Variants in MLH3 observed in about 807,000 individuals in gnomAD.
The protein encoded by MLH3 is mutL homolog 3, also known as DNA mismatch repair protein Mlh3.
Under a neutral mutation model 122.2 loss-of-function variants are expected in MLH3, and 82 were observed. The ratio of observed to expected loss-of-function variants is 0.67; its 90% CI spans 0.56 to 0.81. The LOEUF (loss-of-function observed/expected upper bound fraction) is 0.81, where lower values mean the gene tolerates loss of function less well. MLH3 is among the 30% of genes least tolerant of loss of function. The pLI, the probability that MLH3 is intolerant of heterozygous loss-of-function variation, is 0.00. For synonymous variants in MLH3, 524 were observed against 599.5 expected (o/e 0.87, Z 1.84); for missense variants, 1,539 against 1,714.5 (o/e 0.90, Z 1.81).
In MLH3 at chr14:75,018,854, A is replaced by G; in HGVS notation, c.4217T>C (p.Ile1406Thr). ...CTGTTTTTCCTGTTCCAAGTGGTCT[A>G]TGTCAGCTAACGGCAGCATAGAAGG... ...GRPSMLPLAD[I>T]DHLEQEKQIK... Residue 1406 changes from isoleucine (I) to threonine (T), a missense_variant, in exon 12 of 13, where the codon ATA becomes ACA. Ile to Thr is a moderately conservative substitution (Grantham distance 89, BLOSUM62 -1). Coordinates refer to ENST00000355774, the MANE Select transcript of MLH3 (RefSeq NM_001040108.2). The G allele has an allele frequency of 6.2e-7, 1 of 1,614,198 alleles. No individual in the cohort carries two copies. The highest frequency in any genetic ancestry group is 2.2e-5 in the East Asian group (1 of 44,888).
intron 9 of MLH3, among the ~76,000 whole-genome samples, chr14:75,026,320 C>T (rs28757033): frequency 0.015 from 2,321 of 152,102 alleles, 34 homozygotes; most frequent in South Asian, 0.039. Context: ...GGGAAAAAAA[C>T]ACAACTTCTG....
rs1056105587 is a variant in MLH3, at chr14:75,049,425, T to C, written c.231A>G (p.Lys77=). ...EKVGNRYFTS[K]CHSVQDLENP... Reference sequence around the variant, plus strand: ...TCTCCAAGTCCTGTACCGAGTGGCATTTACTGGTGAAATAACGATTTCCCA... The same window carrying C: ...TCTCCAAGTCCTGTACCGAGTGGCACTTACTGGTGAAATAACGATTTCCCA... Residue 77 remains lysine (K), a synonymous_variant, in exon 2 of 13, where the codon AAA becomes AAG. Coordinates refer to ENST00000355774, the MANE Select transcript of MLH3 (RefSeq NM_001040108.2). 6.2e-7 allele frequency: 1 copy of C among 1,614,062 alleles called. No individual in the cohort carries two copies.
At chr14:75,037,505 T>C (rs1891500418) in intron 6 of MLH3, among the ~76,000 whole-genome samples, 1 of 152,238 alleles carries the variant, frequency 6.6e-6, no homozygotes, top group Admixed American at 6.5e-5. Context: ...TTAATATATT[T>C]ACAAACTATT....
At chr14:75,020,010 A>G (rs1890170034) in intron 11 of MLH3, among the ~76,000 whole-genome samples, 1 of 152,224 alleles carries the variant, frequency 6.6e-6, no homozygotes, top group South Asian at 2.1e-4. Flanking sequence ...TTAGGAGCTT[A>G]AGGAAGGCTT....
intron 9 of MLH3, among the ~76,000 whole-genome samples, chr14:75,026,145 T>C (rs1281831578): frequency 6.6e-6 from 1 of 152,182 alleles, no homozygotes; most frequent in Non-Finnish European, 1.5e-5. Context: ...ACATCTATCC[T>C]CTAATTTTAG....
chr14:75,042,354 C>T (rs2139504212), intron 3 of MLH3, 25 bp downstream of exon 3: 3 of 1,590,400 alleles, frequency 1.9e-6, no homozygotes, highest in Non-Finnish European at 1.7e-6. Flanking sequence ...GTACTGTGTG[C>T]CCCAGCACTC....
Position 75,030,681 on chromosome 14 carries a change from T to G in MLH3, c.3849A>C (p.Glu1283Asp). ...GAAATACAAATTCAAGGCCCAGATC[T>G]TCCAGATTTTTGTGGTAACACCTAA... ...RLLWCYHKNL[E>D]DLGLEFVFPD... The change falls in exon 9 of 13, where the codon GAA (glutamate) becomes GAC (aspartate). Residue 1283 changes from glutamate to aspartate, a missense_variant. Transcript: ENST00000355774. 6.2e-7 allele frequency: 1 copy of G among 1,613,986 alleles called. No homozygotes were observed. Among genetic ancestry groups the G allele is most frequent in the Non-Finnish European group, 8.5e-7 (1 of 1,179,952 alleles).
chr14:75,026,400 A>G (rs1026064452), intron 9 of MLH3, among the ~76,000 whole-genome samples: 3 of 152,252 alleles, frequency 2.0e-5, no homozygotes, highest in Non-Finnish European at 4.4e-5. Flanking sequence ...GGATAAGCTA[A>G]ACACATAATT....
At chr14:75,038,881 C>G (rs967203893) in intron 5 of MLH3, among the ~76,000 whole-genome samples, 21 of 151,680 alleles carry the variant, frequency 1.4e-4, no homozygotes, top group Non-Finnish European at 7.4e-5. Context: ...CTTTGTCACC[C>G]AGGCTGGAGT....
At chr14:75,041,760 G>C in intron 3 of MLH3, 60 bp from the exon 4 acceptor site, 3 of 1,227,938 alleles carry the variant, frequency 2.4e-6, no homozygotes, top group Non-Finnish European at 3.6e-6. Context: ...GGAGGGAATG[G>C]CATTTCCTGT....
rs1414775200 is a variant in MLH3 at position 75,029,131 on chromosome 14, C to T, written c.3987+1412G>A. Reference sequence around the variant, plus strand: ...TGCCATTGCACTCCAGCCTGGGCATCGCAAAAAAAAAAAAAAAAGAAAGAA... The same window carrying T: ...TGCCATTGCACTCCAGCCTGGGCATTGCAAAAAAAAAAAAAAAAGAAAGAA... On this transcript the variant is annotated intron_variant, in intron 9 of 12. Transcript: ENST00000355774. Among the ~76,000 whole-genome samples the T allele has an allele frequency of 4.3e-4, 6 of 13,976 alleles. No individual in the cohort carries two copies. In the East Asian group the frequency reaches 7.3e-3, roughly 17 times the overall value. The allele number at this position is 13,976 out of a possible 152,430, so 9.2% of individuals were successfully genotyped here.
chr14:75,023,703 TA>T (rs2139333452), intron 9 of MLH3, among the ~76,000 whole-genome samples: 1 of 152,348 alleles, frequency 6.6e-6, no homozygotes, highest in Non-Finnish European at 1.5e-5. Flanking sequence ...CCAATTTGTT[TA>T]ACCTCTGGAG....
chr14:75,031,445 G>A (rs1891042017), intron 8 of MLH3, among the ~76,000 whole-genome samples: 1 of 152,222 alleles, frequency 6.6e-6, no homozygotes, highest in East Asian at 1.9e-4. Context: ...CAAGAAATGA[G>A]AAGAGTGTTC....
chr14:75,017,168 C>T lies in MLH3; in HGVS notation c.4276G>A (p.Ala1426Thr), dbSNP rs753388082. ...TTTCCAAAGAGACGCCAGGCCTGGG[C>T]CATTTTGCGAAGTTTAGTGAGGTTG... ...KPNLTKLRKM[A>T]QAWRLFGKAE... Residue 1426 changes from alanine (A) to threonine (T), a missense_variant, in exon 13 of 13, where the codon GCC (alanine) becomes ACC (threonine). By Grantham distance (58) the Ala-to-Thr change is moderately conservative (BLOSUM62 0). Coordinates refer to ENST00000355774, the MANE Select transcript of MLH3 (RefSeq NM_001040108.2). 2 of 1,612,310 alleles carry T rather than the reference C, an allele frequency of 1.2e-6. No individual in the cohort carries two copies. The highest frequency in any genetic ancestry group is 2.2e-5 in the South Asian group (2 of 91,080).
intron 6 of MLH3, among the ~76,000 whole-genome samples, 198 bp from the exon 7 acceptor site, chr14:75,033,688 T>C (rs1891202325): frequency 6.6e-6 from 1 of 152,198 alleles, no homozygotes; most frequent in Admixed American, 6.5e-5. Context: ...CCCATATGTT[T>C]GAATCCCAGA....
At chr14:75,030,734 A>G (rs2139388888) in intron 8 of MLH3, 32 bp from the exon 9 acceptor site, 2 of 1,596,926 alleles carry the variant, frequency 1.3e-6, no homozygotes, top group South Asian at 1.1e-5. Flanking sequence ...TTAAAAAAAA[A>G]AAGAGTGCTA....
chr14:75,020,740 C>A (rs1890219079), intron 11 of MLH3: 1 of 152,046 alleles, frequency 6.6e-6, no homozygotes, highest in African/African-American at 2.4e-5. Flanking sequence ...ATCATATTAC[C>A]CTGCTCAAGA....
rs1336398880 is a variant in MLH3 at position 75,018,968 on chromosome 14, A to C, written c.4103T>G (p.Phe1368Cys). ...TTCCTGTAAGCTCAGGCCATCATTA[A>C]ACTTAATGGCCCCTAAATGAAAGAC... ...ASQACHGAIK[F>C]NDGLSLQESC... The change falls in exon 12 of 13, where the codon TTT becomes TGT. Residue 1368 changes from phenylalanine to cysteine, a missense_variant. Transcript: ENST00000355774. The C allele has an allele frequency of 6.2e-7, 1 of 1,614,110 alleles. No homozygotes were observed. Among genetic ancestry groups the C allele is most frequent in the South Asian group, 1.1e-5 (1 of 91,082 alleles).
chr14:75,029,851 T>G (rs889499230), intron 9 of MLH3, among the ~76,000 whole-genome samples: 1 of 152,162 alleles, frequency 6.6e-6, no homozygotes, highest in African/African-American at 2.4e-5. Flanking sequence ...CCCACTATTC[T>G]GTAAGACTTT....
Sources: gnomAD v4.1 joint callset for allele counts (sites outside exome capture counted in the v4.1 genomes callset) on GRCh38, gnomAD v4.1.1 for gene constraint, MANE v1.5 for transcripts, NCBI Gene and HGNC (gene_info 2026-07-23, HGNC 2026-07-21) for gene names.